Variants in FOXP2 observed in about 807,000 individuals in gnomAD.
The protein encoded by FOXP2 is forkhead box P2.
In FOXP2, 12 loss-of-function variants were observed where a neutral mutation model predicts 115.8. The ratio of observed to expected loss-of-function variants is 0.10; its 90% CI spans 0.07 to 0.17. FOXP2 has a LOEUF of 0.17. FOXP2 is among the 10% of genes least tolerant of loss of function. FOXP2 has a pLI of 1.00. For missense variants in FOXP2, 629 were observed against 843.5 expected, an observed-to-expected ratio of 0.75 and a Z score of 3.15; for synonymous variants, 328 against 297.7, an observed-to-expected ratio of 1.10 and a Z score of -1.05.
intron 1 of FOXP2, among the ~76,000 whole-genome samples, chr7:114,097,001 ATTACT>A (rs140163410): frequency 0.087 from 13,297 of 152,060 alleles, 1,254 homozygotes; most frequent in African/African-American, 0.24. Context: ...TAATACTTTG[ATTACT>A]TTATTGTAGA....
At chr7:114,204,232 C>T (rs942460893) in intron 1 of FOXP2, among the ~76,000 whole-genome samples, 1 of 152,110 alleles carries the variant, frequency 6.6e-6, no homozygotes, top group Non-Finnish European at 1.5e-5. Flanking sequence ...ATTTAAGCAA[C>T]ATATCCAAAA....
At chr7:114,304,068 G>A (rs906138851) in intron 2 of FOXP2, among the ~76,000 whole-genome samples, 2 of 152,084 alleles carry the variant, frequency 1.3e-5, no homozygotes, top group South Asian at 2.1e-4. Context: ...AAATAGGTAC[G>A]TGGATTTATT....
intron 1 of FOXP2, among the ~76,000 whole-genome samples, chr7:114,286,984 C>T (rs1291026756): frequency 6.6e-6 from 1 of 152,028 alleles, no homozygotes; most frequent in East Asian, 1.9e-4. Flanking sequence ...ACAAAGATGG[C>T]AAGTGATGCC....
chr7:114,245,888 G>A (rs554071975), intron 1 of FOXP2, among the ~76,000 whole-genome samples: 7 of 151,982 alleles, frequency 4.6e-5, no homozygotes, highest in Middle Eastern at 3.4e-3. Flanking sequence ...ACATTTGTAC[G>A]AAACTGTACT....
At chr7:114,113,505 C>T (rs973260429) in intron 1 of FOXP2, among the ~76,000 whole-genome samples, 2 of 152,132 alleles carry the variant, frequency 1.3e-5, no homozygotes, top group Non-Finnish European at 2.9e-5. Context: ...TCTCAGCCTC[C>T]TGAGTAGATG....
rs1436760089 is a variant in FOXP2, at chr7:114,692,663, T to C, written c.*2737T>C. On this transcript the variant is annotated 3_prime_UTR_variant, in exon 17 of 17. Transcript: ENST00000350908. ...TAATGTATGTATTTATTGCTTGAAC[T>C]TCTGTGCATACCTTATAAAGCATAA... 1 of 442,784 alleles carries C rather than the reference T, an allele frequency of 2.3e-6. No individual in the cohort carries two copies. 27.4% of individuals were successfully genotyped at this position (442,784 alleles called of 1,614,324 possible). A position where few individuals can be genotyped will look rare whatever the true frequency, so the allele number is the denominator to read the frequency against.
intron 2 of FOXP2, among the ~76,000 whole-genome samples, chr7:114,402,426 A>G (rs1792908142): frequency 2.0e-5 from 3 of 152,144 alleles, no homozygotes; most frequent in African/African-American, 7.2e-5. Context: ...AAGAACATAT[A>G]TCCACCTATC....
chr7:114,157,287 G>A (rs927182689), intron 1 of FOXP2, among the ~76,000 whole-genome samples: 5 of 152,106 alleles, frequency 3.3e-5, no homozygotes, highest in African/African-American at 1.2e-4. Context: ...TGCATGGACA[G>A]TTTTTAGAGG....
chr7:114,445,035 T>C (rs1794770414), intron 2 of FOXP2, among the ~76,000 whole-genome samples: 1 of 152,112 alleles, frequency 6.6e-6, no homozygotes, highest in South Asian at 2.1e-4. Flanking sequence ...GTTTCCATTT[T>C]TTTAGAGCCA....
chr7:114,596,723 A>G (rs751493744), intron 3 of FOXP2, among the ~76,000 whole-genome samples: 1 of 152,058 alleles, frequency 6.6e-6, no homozygotes. Context: ...TCTCCCCTCC[A>G]TACGTGTCCC....
intron 2 of FOXP2, among the ~76,000 whole-genome samples, chr7:114,299,825 T>TA (rs748683743): frequency 3.3e-5 from 5 of 152,042 alleles, no homozygotes; most frequent in African/African-American, 4.8e-5. Flanking sequence ...GATGGAAGTT[T>TA]ATCTCCCAAG....
At chr7:114,499,495 ACT>A (rs1797468943) in intron 2 of FOXP2, 1 of 152,190 alleles carries the variant, frequency 6.6e-6, no homozygotes, top group East Asian at 1.9e-4. Context: ...TAAAAATATA[ACT>A]CAGATTTCAC....
chr7:114,114,891 GGAA>G (rs1176354532), intron 1 of FOXP2, among the ~76,000 whole-genome samples: 2 of 152,122 alleles, frequency 1.3e-5, no homozygotes, highest in Non-Finnish European at 1.5e-5. Context: ...CTGAAATCAT[GGAA>G]GAAGAACTGA....
chr7:114,213,706 T>C (rs1217349020), intron 1 of FOXP2, among the ~76,000 whole-genome samples: 1 of 152,206 alleles, frequency 6.6e-6, no homozygotes, highest in Non-Finnish European at 1.5e-5. Context: ...CTAAGCCATT[T>C]TATTTATTTA....
chr7:114,392,983 G>T (rs1452489664), intron 2 of FOXP2, among the ~76,000 whole-genome samples: 2 of 152,116 alleles, frequency 1.3e-5, no homozygotes, highest in Non-Finnish European at 1.5e-5. Flanking sequence ...AAACCACATG[G>T]CTGGGAAGTT....
chr7:114,562,775 T>C (rs199801146), intron 3 of FOXP2, among the ~76,000 whole-genome samples: 2 of 12,566 alleles, frequency 1.6e-4, no homozygotes, highest in Non-Finnish European at 2.4e-4. Context: ...CTTAACCCTG[T>C]TTTTTTTTTC....
chr7:114,513,991 A>T (rs1316340366), intron 2 of FOXP2, among the ~76,000 whole-genome samples: 4 of 151,936 alleles, frequency 2.6e-5, no homozygotes, highest in African/African-American at 9.7e-5. Context: ...AAATTTTATC[A>T]CTAACATTTT....
At chr7:114,152,949 G>A (rs976044357) in intron 1 of FOXP2, among the ~76,000 whole-genome samples, 4 of 152,094 alleles carry the variant, frequency 2.6e-5, no homozygotes, top group African/African-American at 9.7e-5. Flanking sequence ...ATTGATCCAC[G>A]GAACAGAACA....
chr7:114,294,859 AATAAATAC>A (rs1344105646), intron 2 of FOXP2, among the ~76,000 whole-genome samples: 113 of 150,270 alleles, frequency 7.5e-4, no homozygotes, highest in African/African-American at 2.3e-3. Flanking sequence ...TAAATAAATA[AATAAATAC>A]ATACATACAT....
Sources: allele counts gnomAD v4.1 joint callset (sites outside exome capture counted in the v4.1 genomes callset), GRCh38; gene constraint gnomAD v4.1.1; transcripts MANE v1.5; gene names NCBI Gene and HGNC (gene_info 2026-07-23, HGNC 2026-07-21).